The following PPP1R13B variants were observed in gnomAD, a reference collection of about 807,000 sequenced individuals.
PPP1R13B encodes protein phosphatase 1 regulatory subunit 13B, also known as apoptosis-stimulating of p53 protein 1.
PPP1R13B carries 44 observed loss-of-function variants against 119.8 expected under a neutral mutation model. That is an observed-to-expected ratio of 0.37 (90% confidence interval 0.29 to 0.47). The LOEUF (loss-of-function observed/expected upper bound fraction) is 0.47, where lower values mean the gene tolerates loss of function less well. Among genes scored for constraint, PPP1R13B ranks in the 20% least tolerant of loss-of-function variants. PPP1R13B has a pLI of 0.99. For synonymous variants in PPP1R13B, 542 were observed against 561.5 expected (o/e 0.97, Z 0.49); for missense variants, 1,227 against 1,413.5 (o/e 0.87, Z 2.12).
intron 4 of PPP1R13B, among the ~76,000 whole-genome samples, chr14:103,760,193 CT>C (rs1458038420): frequency 2.0e-5 from 3 of 152,170 alleles, no homozygotes; most frequent in African/African-American, 7.2e-5. Flanking sequence ...AAAAGAAGCA[CT>C]TTTTCCACAA....
chr14:103,840,012 A>G (rs1435240317), intron 1 of PPP1R13B: 1 of 152,246 alleles, frequency 6.6e-6, no homozygotes, highest in Non-Finnish European at 1.5e-5. Flanking sequence ...CCAGTTTTAT[A>G]TTGTTCTATA....
At chr14:103,747,854 G>C (rs1257734492) in intron 8 of PPP1R13B, among the ~76,000 whole-genome samples, 2 of 152,182 alleles carry the variant, frequency 1.3e-5, no homozygotes, top group African/African-American at 2.4e-5. Context: ...GAGTGAAGCA[G>C]ATGACCCTCT....
intron 2 of PPP1R13B, among the ~76,000 whole-genome samples, chr14:103,791,274 C>A (rs2085612603): frequency 1.3e-5 from 2 of 152,130 alleles, no homozygotes; most frequent in African/African-American, 4.8e-5. Context: ...CGCAAACAAT[C>A]ACGCCTGGCT....
chr14:103,740,150 C>T lies in PPP1R13B; in HGVS notation c.2266G>A (p.Ala756Thr). The T allele has an allele frequency of 6.2e-7, 1 of 1,613,632 alleles. No individual in the cohort carries two copies. Among genetic ancestry groups the T allele is most frequent in the South Asian group, 1.1e-5 (1 of 91,084 alleles). ...TTGGTGTTTCCATTGTCCACATCGG[C>T]CAAGGTGCCCATGAAGTCCTGGGAG... The part of the protein sequence containing the change: ...SPSQDFMGTL[A>T]DVDNGNTNAN... Residue 756 changes from alanine to threonine, a missense_variant, in exon 12 of 17, where the codon GCC becomes ACC. Transcript: ENST00000202556. This position sits in a 1 kb window ranked among gnomAD's most constrained non-coding sequence, Gnocchi z 4.6.
chr14:103,753,187 A>G lies in PPP1R13B; in HGVS notation c.641T>C (p.Ile214Thr), dbSNP rs986184109. 2 of 1,610,386 alleles carry G rather than the reference A, an allele frequency of 1.2e-6. No homozygotes were observed. Among genetic ancestry groups the G allele is most frequent in the Non-Finnish European group, 1.7e-6 (2 of 1,179,292 alleles). ...KIMNGNLSAE[I>T]ERFSAMFQEK... Reference sequence around the variant, plus strand: ...CTGGAACATGGCACTGAACCTTTCTATTTCAGCAGCTATAATTGACCACAC... The same window carrying G: ...CTGGAACATGGCACTGAACCTTTCTGTTTCAGCAGCTATAATTGACCACAC... Residue 214 changes from isoleucine to threonine, a missense_variant, in exon 7 of 17, where the codon ATA becomes ACA. Ile to Thr is a moderately conservative substitution (Grantham distance 89). Transcript: ENST00000202556.
Position 103,734,681 on chromosome 14 carries a change from A to T in PPP1R13B, c.*473T>A. 2.2e-6 allele frequency: 1 copy of T among 457,062 alleles called. No homozygotes were observed. Among genetic ancestry groups the T allele is most frequent in the Non-Finnish European group, 4.4e-6 (1 of 227,166 alleles). 28.3% of individuals were successfully genotyped at this position (457,062 alleles called of 1,614,324 possible). A position where few individuals can be genotyped will look rare whatever the true frequency, so the allele number is the denominator to read the frequency against. On this transcript the variant is annotated 3_prime_UTR_variant, in exon 17 of 17. Transcript: ENST00000202556. ...AGAGGCTCCTTTGGTGATGAAGGGA[A>T]GAAGGATCATGTGTGGGAAGTGTGA...
upstream of PPP1R13B, chr14:103,848,416 G>T (rs1000198347): frequency 1.0e-6 from 1 of 985,354 alleles, no homozygotes; most frequent in African/African-American, 1.7e-5. Context: ...AGAGCCCTGG[G>T]CAGGGCCCTG....
chr14:103,819,953 TGTAGTA>T (rs1451323140), intron 1 of PPP1R13B, among the ~76,000 whole-genome samples: 1 of 152,156 alleles, frequency 6.6e-6, no homozygotes, highest in Non-Finnish European at 1.5e-5. Flanking sequence ...CACAGTTACT[TGTAGTA>T]GAGTTCAGAT....
chr14:103,813,882 A>G (rs2086216861), intron 1 of PPP1R13B, among the ~76,000 whole-genome samples: 1 of 152,222 alleles, frequency 6.6e-6, no homozygotes, highest in Non-Finnish European at 1.5e-5. Flanking sequence ...CTTCCATAAA[A>G]CTAAATGAAA....
chr14:103,754,342 A>G, intron 5 of PPP1R13B, 98 bp from the exon 6 acceptor site: 1 of 1,188,212 alleles, frequency 8.4e-7, no homozygotes, highest in Non-Finnish European at 1.2e-6. Context: ...AGGTAGGTGG[A>G]TCACCTGAGG....
intron 1 of PPP1R13B, among the ~76,000 whole-genome samples, chr14:103,835,425 CTTTTT>C (rs71126076): frequency 8.0e-6 from 1 of 125,338 alleles, no homozygotes; most frequent in African/African-American, 3.0e-5. Flanking sequence ...GCGCCCAGCA[CTTTTT>C]TTTTTTTTTT....
At chr14:103,747,497 G>C (rs972634026) in intron 8 of PPP1R13B, 1 of 152,022 alleles carries the variant, frequency 6.6e-6, no homozygotes, top group Non-Finnish European at 1.5e-5. Flanking sequence ...TGCTGAAAAG[G>C]TATTTTCCAG....
At chr14:103,765,208 G>A (rs1318398148) in intron 4 of PPP1R13B, among the ~76,000 whole-genome samples, 1 of 152,070 alleles carries the variant, frequency 6.6e-6, no homozygotes, top group Non-Finnish European at 1.5e-5. Flanking sequence ...CCTTGTGCAC[G>A]TGATTTTTAA....
rs978785897 is a variant in PPP1R13B, at chr14:103,736,302, C to T, written c.3032-100G>A. 17 of 1,306,142 alleles carry T rather than the reference C, an allele frequency of 1.3e-5. No individual in the cohort carries two copies. In the African/African-American group the frequency reaches 2.0e-4, roughly 16 times the overall value. The allele number at this position is 1,306,142 out of a possible 1,614,324, so 80.9% of individuals were successfully genotyped here. On this transcript the variant is annotated intron_variant, in intron 15 of 16. Transcript: ENST00000202556. ...CACAGTCGTGCTGCTGCCGAGGCTG[C>T]TCTCAGCAGGCCCCACAGAGGCCAG...
chr14:103,736,568 C>A, intron 15 of PPP1R13B: 1 of 268,002 alleles, frequency 3.7e-6, no homozygotes, highest in Admixed American at 4.7e-5. Flanking sequence ...TGGTAATGAA[C>A]AAACTACACA....
chr14:103,755,387 G>A (rs2084652787), intron 5 of PPP1R13B, among the ~76,000 whole-genome samples: 1 of 152,212 alleles, frequency 6.6e-6, no homozygotes, highest in East Asian at 1.9e-4. Flanking sequence ...AACAATCAAG[G>A]AAGTGTCTGC....
At chr14:103,795,233 C>T (rs576846721) in intron 2 of PPP1R13B, among the ~76,000 whole-genome samples, 3 of 152,240 alleles carry the variant, frequency 2.0e-5, no homozygotes, top group Admixed American at 6.6e-5. Context: ...CCACCGTGCC[C>T]GACCTGTATC....
Position 103,733,320 on chromosome 14 carries a change from G to T in PPP1R13B, c.*1834C>A. 1 of 322,054 alleles carries T rather than the reference G, an allele frequency of 3.1e-6. No individual in the cohort carries two copies. The highest frequency in any genetic ancestry group is 5.8e-6 in the Non-Finnish European group (1 of 172,412). 19.9% of individuals were successfully genotyped at this position (322,054 alleles called of 1,614,324 possible). A position where few individuals can be genotyped will look rare whatever the true frequency, so the allele number is the denominator to read the frequency against. On this transcript the variant is annotated 3_prime_UTR_variant, in exon 17 of 17. Coordinates refer to ENST00000202556, the MANE Select transcript of PPP1R13B (RefSeq NM_015316.3). ...TTAGCATAATATATACCATTTTTAT[G>T]AGTTCGCAGGTCTACTAGAAGGTTC...
chr14:103,816,504 C>T (rs1003126544), intron 1 of PPP1R13B, among the ~76,000 whole-genome samples: 4 of 150,064 alleles, frequency 2.7e-5, no homozygotes, highest in Admixed American at 6.7e-5. Flanking sequence ...CTGGCCAACA[C>T]GGTGAAACCC....
Sources: gnomAD v4.1 joint callset for allele counts (sites outside exome capture counted in the v4.1 genomes callset) on GRCh38, gnomAD v4.1.1 for gene constraint, Gnocchi (gnomAD v3.1) non-coding constraint, MANE v1.5 for transcripts, NCBI Gene and HGNC (gene_info 2026-07-23, HGNC 2026-07-21) for gene names.